The following MACROD2 variants were observed in gnomAD, a reference collection of about 807,000 sequenced individuals.
MACROD2 encodes ADP-ribose glycohydrolase MACROD2.
MACROD2 carries 36 observed loss-of-function variants against 70.4 expected under a neutral mutation model. The ratio of observed to expected loss-of-function variants is 0.51; its 90% CI spans 0.39 to 0.68. MACROD2 has a LOEUF of 0.68. Among genes scored for constraint, MACROD2 ranks in the 30% least tolerant of loss-of-function variants. MACROD2 has a pLI of 0.00. For synonymous variants in MACROD2, 172 were observed against 178.8 expected, an observed-to-expected ratio of 0.96 and a Z score of 0.30; for missense variants, 496 against 538.4, an observed-to-expected ratio of 0.92 and a Z score of 0.78.
At chr20:14,196,893 G>A (rs1367025625) in intron 3 of MACROD2, among the ~76,000 whole-genome samples, 4 of 152,196 alleles carry the variant, frequency 2.6e-5, no homozygotes, top group Non-Finnish European at 5.9e-5. Flanking sequence ...AAAGTTCATG[G>A]GTCCTAGGAA....
chr20:14,233,139 T>C (rs1156534266), intron 3 of MACROD2, among the ~76,000 whole-genome samples: 1 of 152,024 alleles, frequency 6.6e-6, no homozygotes, highest in Non-Finnish European at 1.5e-5. Context: ...CCCAAGACAA[T>C]TACAGTTATA....
At chr20:14,836,707 G>A (rs1043266159) in intron 5 of MACROD2, among the ~76,000 whole-genome samples, 3 of 152,010 alleles carry the variant, frequency 2.0e-5, no homozygotes, top group African/African-American at 7.2e-5. Flanking sequence ...TTAATTTATG[G>A]GTAAGAGGTC....
intron 8 of MACROD2, among the ~76,000 whole-genome samples, chr20:15,623,569 A>G (rs2049157569): frequency 1.3e-5 from 2 of 152,282 alleles, no homozygotes; most frequent in South Asian, 4.2e-4. Context: ...CTATGCTAGG[A>G]GCTAGATTCA....
chr20:15,653,757 G>A (rs1483129507), intron 8 of MACROD2, among the ~76,000 whole-genome samples: 1 of 152,070 alleles, frequency 6.6e-6, no homozygotes, highest in South Asian at 2.1e-4. Context: ...ATAAACACAG[G>A]AACCCACAAA....
At chr20:14,998,689 A>G (rs773752345) in intron 5 of MACROD2, among the ~76,000 whole-genome samples, 64 of 152,330 alleles carry the variant, frequency 4.2e-4, no homozygotes, top group Non-Finnish European at 3.8e-4. Flanking sequence ...AAAGGTAGAG[A>G]GTAAGATTGG....
chr20:14,794,343 A>T (rs2123807558), intron 5 of MACROD2, among the ~76,000 whole-genome samples: 1 of 152,260 alleles, frequency 6.6e-6, no homozygotes. Context: ...TTCTGTTGTT[A>T]CTTTAAAATT....
intron 2 of MACROD2, among the ~76,000 whole-genome samples, chr20:14,005,323 T>TA (rs1320576182): frequency 2.0e-5 from 3 of 152,314 alleles, no homozygotes; most frequent in African/African-American, 7.2e-5. Flanking sequence ...ACCCATTAAA[T>TA]ACATAATTTG....
At chr20:16,027,870 A>T (rs977195313) in intron 15 of MACROD2, among the ~76,000 whole-genome samples, 2 of 152,338 alleles carry the variant, frequency 1.3e-5, no homozygotes, top group East Asian at 3.9e-4. Context: ...ATCTGAGATC[A>T]GCTCTGGCAG....
intron 5 of MACROD2, among the ~76,000 whole-genome samples, chr20:14,885,520 A>G (rs1320545208): frequency 6.6e-6 from 1 of 151,962 alleles, no homozygotes; most frequent in Non-Finnish European, 1.5e-5. Flanking sequence ...TGATGATTTT[A>G]TTTTTAGTTA....
intron 5 of MACROD2, among the ~76,000 whole-genome samples, chr20:15,157,901 C>T (rs1398623648): frequency 6.6e-6 from 1 of 152,150 alleles, no homozygotes; most frequent in Admixed American, 6.6e-5. Context: ...CTGTCAGGCC[C>T]ACAGGTGGCC....
At chr20:14,487,529 T>A (rs1174440361) in intron 3 of MACROD2, among the ~76,000 whole-genome samples, 1 of 152,208 alleles carries the variant, frequency 6.6e-6, no homozygotes, top group Non-Finnish European at 1.5e-5. Flanking sequence ...GGAGTCATTA[T>A]CTATTATCAG....
intron 8 of MACROD2, among the ~76,000 whole-genome samples, chr20:15,602,377 A>T (rs996834469): frequency 6.6e-6 from 1 of 152,162 alleles, no homozygotes; most frequent in African/African-American, 2.4e-5. Flanking sequence ...AGACTGACAT[A>T]CTTTGACTTC....
intron 6 of MACROD2, among the ~76,000 whole-genome samples, chr20:15,292,563 G>A (rs969693093): frequency 2.0e-5 from 3 of 152,174 alleles, no homozygotes; most frequent in Admixed American, 1.3e-4. Context: ...TTTGGAATAT[G>A]TAACAATTCA....
chr20:14,108,299 A>G (rs1271940014), intron 3 of MACROD2, among the ~76,000 whole-genome samples: 2 of 152,108 alleles, frequency 1.3e-5, no homozygotes, highest in African/African-American at 4.8e-5. Context: ...TCATGCTATC[A>G]GATAAAATCA....
At chr20:15,228,148 T>G (rs2076926671) in intron 5 of MACROD2, among the ~76,000 whole-genome samples, 1 of 152,216 alleles carries the variant, frequency 6.6e-6, no homozygotes, top group Non-Finnish European at 1.5e-5. Context: ...CAACTCTTGC[T>G]TGTTACTTTT....
At chr20:14,346,186 G>A (rs1601514034) in intron 3 of MACROD2, among the ~76,000 whole-genome samples, 1 of 142,008 alleles carries the variant, frequency 7.0e-6, no homozygotes, top group South Asian at 2.4e-4. Context: ...GAAGTTTAAA[G>A]TAACCTAACT....
At chr20:15,516,267 A>G (rs900598634) in intron 8 of MACROD2, among the ~76,000 whole-genome samples, 1 of 152,130 alleles carries the variant, frequency 6.6e-6, no homozygotes, top group Non-Finnish European at 1.5e-5. Flanking sequence ...TTCCATATGT[A>G]ACCTGTTTCT....
At chr20:14,491,218 T>C (rs1242891576) in intron 3 of MACROD2, among the ~76,000 whole-genome samples, 1 of 152,156 alleles carries the variant, frequency 6.6e-6, no homozygotes, top group Non-Finnish European at 1.5e-5. Flanking sequence ...ACTTGCGTAT[T>C]TTTATGTCAC....
At chr20:15,581,264 T>C (rs1448035995) in intron 8 of MACROD2, among the ~76,000 whole-genome samples, 2 of 152,234 alleles carry the variant, frequency 1.3e-5, no homozygotes, top group Admixed American at 6.5e-5. Flanking sequence ...CAACCATTTT[T>C]CACTGTCTCT....
Sources: gnomAD v4.1 joint callset for allele counts (sites outside exome capture counted in the v4.1 genomes callset) on GRCh38, gnomAD v4.1.1 for gene constraint, MANE v1.5 for transcripts, NCBI Gene and HGNC (gene_info 2026-07-23, HGNC 2026-07-21) for gene names.